The following PTPRD variants were observed in gnomAD, a reference collection of about 807,000 sequenced individuals.
PTPRD encodes protein tyrosine phosphatase receptor type D.
In PTPRD, 34 loss-of-function variants were observed where a neutral mutation model predicts 214.5. The observed-to-expected ratio is 0.16, with a 90% CI of 0.12 to 0.21. The LOEUF (loss-of-function observed/expected upper bound fraction) is 0.21. PTPRD is among the 10% of genes least tolerant of loss of function. The pLI is 1.00. For missense variants in PTPRD, 2,545 were observed against 2,398.7 expected, an observed-to-expected ratio of 1.06 and a Z score of -1.27; for synonymous variants, 1,128 against 845.7, an observed-to-expected ratio of 1.33 and a Z score of -5.79.
chr9:10,200,777 G>A lies in PTPRD; in HGVS notation c.-545+140186C>T, dbSNP rs975476072. ...ATGCTACTTATTTGTTCAATTTATT[G>A]GTAGAATTTTACCTGAGGAAAAATA... On this transcript the variant is annotated intron_variant, in intron 3 of 45. Coordinates refer to ENST00000381196, the MANE Select transcript of PTPRD (RefSeq NM_002839.4). 2.0e-5 allele frequency among the ~76,000 whole-genome samples: 3 copies of A among 152,004 alleles called. No individual in the cohort carries two copies. In the East Asian group the frequency reaches 5.8e-4, roughly 29 times the overall value.
At chr9:8,813,364 C>G (rs1480494127) in intron 11 of PTPRD, among the ~76,000 whole-genome samples, 1 of 152,112 alleles carries the variant, frequency 6.6e-6, no homozygotes, top group African/African-American at 2.4e-5. Flanking sequence ...GAAAAAGAAG[C>G]TACAAACAGA....
chr9:9,711,441 T>A lies in PTPRD; in HGVS notation c.-287+23092A>T, dbSNP rs964341771. Among the ~76,000 whole-genome samples the A allele has an allele frequency of 2.6e-5, 4 of 152,064 alleles. No individual in the cohort carries two copies. In the South Asian group the frequency reaches 6.2e-4, roughly 24 times the overall value. On this transcript the variant is annotated intron_variant, in intron 7 of 45. Transcript: ENST00000381196. ...CTTTGTATCTATTATTAGAAAAACA[T>A]ATAACTCTGGCAACAATAACAAAAA... is the stretch of plus-strand genomic sequence containing the variant.
intron 8 of PTPRD, among the ~76,000 whole-genome samples, chr9:9,487,062 T>C (rs1352307070): frequency 6.6e-6 from 1 of 152,128 alleles, no homozygotes. Context: ...ATTTTCTTTT[T>C]TATTATTATT....
chr9:8,418,467 C>G (rs1447968319), intron 35 of PTPRD, among the ~76,000 whole-genome samples: 6 of 152,010 alleles, frequency 3.9e-5, no homozygotes, highest in Non-Finnish European at 5.9e-5. Context: ...CTTTATTTCC[C>G]CAACTCTATA....
At chr9:9,137,419 T>G (rs1156828027) in intron 10 of PTPRD, among the ~76,000 whole-genome samples, 1 of 152,138 alleles carries the variant, frequency 6.6e-6, no homozygotes, top group South Asian at 2.1e-4. Context: ...ATAACTTGCT[T>G]GGCAAACTTT....
At chr9:9,712,784 T>C (rs906004189) in intron 7 of PTPRD, among the ~76,000 whole-genome samples, 2 of 152,166 alleles carry the variant, frequency 1.3e-5, no homozygotes. Flanking sequence ...CAGACCTACC[T>C]AAGAAATGCC....
Position 8,404,555 on chromosome 9 carries a change from G to A in PTPRD, c.4192C>T (p.Leu1398Phe). 2 of 1,612,458 alleles carry A rather than the reference G, an allele frequency of 1.2e-6. No homozygotes were observed. The highest frequency in any genetic ancestry group is 1.7e-6 in the Non-Finnish European group (2 of 1,178,810). Residue 1398 changes from leucine (L) to phenylalanine (F), a missense_variant, in exon 36 of 46, where the codon CTC (leucine) becomes TTC (phenylalanine). By Grantham distance (22) the Leu-to-Phe change is conservative. Transcript: ENST00000381196. ...NVIAYDHSRVLLSAIEGIPGS... is the reference protein window; with the variant it reads ...NVIAYDHSRVFLSAIEGIPGS... ...TCCTTACCTTCTATAGCTGATAGGA[G>A]AACCCGGGAATGATCATATGCGATT...
chr9:10,109,518 A>G (rs1185949998), intron 3 of PTPRD, among the ~76,000 whole-genome samples: 2 of 152,198 alleles, frequency 1.3e-5, no homozygotes, highest in Non-Finnish European at 2.9e-5. Context: ...ATTCTTTACC[A>G]AGTTTGGGAA....
At chr9:9,723,105 T>C (rs1019056908) in intron 7 of PTPRD, among the ~76,000 whole-genome samples, 3 of 152,176 alleles carry the variant, frequency 2.0e-5, no homozygotes, top group African/African-American at 7.2e-5. Context: ...TAACACAAGG[T>C]CACAAAGATT....
At chr9:8,922,813 AT>A (rs560268362) in intron 11 of PTPRD, among the ~76,000 whole-genome samples, 4,495 of 139,520 alleles carry the variant, frequency 0.032, 74 homozygotes, top group African/African-American at 0.037. Flanking sequence ...CGCCCGGCTA[AT>A]TTTTTTTTTT....
intron 3 of PTPRD, among the ~76,000 whole-genome samples, chr9:10,289,197 C>T (rs1379460860): frequency 6.6e-6 from 1 of 152,110 alleles, no homozygotes; most frequent in Non-Finnish European, 1.5e-5. Context: ...TAGATTTATT[C>T]ACAACCTTCT....
chr9:9,330,603 A>C (rs1172341980), intron 9 of PTPRD, among the ~76,000 whole-genome samples: 2 of 152,076 alleles, frequency 1.3e-5, no homozygotes, highest in Non-Finnish European at 2.9e-5. Context: ...TAATTGTATA[A>C]ATGTATGATG....
chr9:9,826,382 T>G (rs1322869427), intron 5 of PTPRD, among the ~76,000 whole-genome samples: 1 of 151,940 alleles, frequency 6.6e-6, no homozygotes, highest in African/African-American at 2.4e-5. Context: ...TTTTACTGGT[T>G]GCCTTTCAAT....
chr9:9,185,524 T>C (rs957209777), intron 9 of PTPRD, among the ~76,000 whole-genome samples: 1 of 152,084 alleles, frequency 6.6e-6, no homozygotes, highest in Non-Finnish European at 1.5e-5. Context: ...TTCCGAGATT[T>C]ACCTCCTTTA....
chr9:9,686,346 G>A (rs541784612), intron 7 of PTPRD, among the ~76,000 whole-genome samples: 1 of 151,096 alleles, frequency 6.6e-6, no homozygotes, highest in South Asian at 2.1e-4. Flanking sequence ...TGTGTATTCT[G>A]TATATCATTT....
chr9:9,002,029 T>C (rs2099423517), intron 11 of PTPRD, among the ~76,000 whole-genome samples: 1 of 150,680 alleles, frequency 6.6e-6, no homozygotes, highest in Admixed American at 6.7e-5. Flanking sequence ...GTGTTGGGAG[T>C]TCAAGCCCTT....
At chr9:9,334,572 T>C (rs1187100088) in intron 9 of PTPRD, among the ~76,000 whole-genome samples, 1 of 151,968 alleles carries the variant, frequency 6.6e-6, no homozygotes, top group African/African-American at 2.4e-5. Flanking sequence ...GGTCTGCCAC[T>C]TTCTCTTGTG....
intron 2 of PTPRD, among the ~76,000 whole-genome samples, chr9:10,512,014 G>A (rs1187460607): frequency 8.3e-5 from 5 of 60,216 alleles, no homozygotes; most frequent in Non-Finnish European, 1.5e-4. Flanking sequence ...ATATATACGT[G>A]TGTGTATATA....
chr9:10,238,419 C>T (rs1225388603), intron 3 of PTPRD, among the ~76,000 whole-genome samples: 1 of 151,856 alleles, frequency 6.6e-6, no homozygotes, highest in East Asian at 1.9e-4. Flanking sequence ...CAATATGTAA[C>T]ATTTCTCCAT....
Sources: allele counts gnomAD v4.1 joint callset (sites outside exome capture counted in the v4.1 genomes callset), GRCh38; gene constraint gnomAD v4.1.1; transcripts MANE v1.5; gene names NCBI Gene and HGNC (gene_info 2026-07-23, HGNC 2026-07-21).